KAT6B: variants seen among roughly 807,000 people sequenced by gnomAD.
KAT6B encodes the protein lysine acetyltransferase 6B.
A neutral mutation model predicts 187.5 loss-of-function variants in KAT6B; 10 were observed. That is an observed-to-expected ratio of 0.05 (90% CI 0.03 to 0.09). KAT6B has a LOEUF of 0.09. Ranked by LOEUF, KAT6B falls within the 10% of genes least tolerant of loss-of-function variation. The pLI is 1.00. For synonymous variants in KAT6B, 861 were observed against 926.8 expected (o/e 0.93, Z 1.29); for missense variants, 1,952 against 2,558.9 (o/e 0.76, Z 5.12).
chr10:74,941,239 TC>T (rs1466409926), intron 3 of KAT6B, among the ~76,000 whole-genome samples: 6 of 152,176 alleles, frequency 3.9e-5, no homozygotes, highest in African/African-American at 1.2e-4. Context: ...ATCCTCTACA[TC>T]CAAGGAAAAG....
At chr10:74,903,266 C>T (rs185760817) in intron 3 of KAT6B, among the ~76,000 whole-genome samples, 1 of 152,114 alleles carries the variant, frequency 6.6e-6, no homozygotes, top group African/African-American at 2.4e-5. Context: ...ATATCTTCCC[C>T]TTTGAGTATA....
intron 3 of KAT6B, among the ~76,000 whole-genome samples, chr10:74,923,602 G>A (rs1235246184): frequency 6.6e-6 from 1 of 152,214 alleles, no homozygotes; most frequent in Non-Finnish European, 1.5e-5. Flanking sequence ...TTCCAGGCAT[G>A]GAGAAGGAGT....
intron 3 of KAT6B, among the ~76,000 whole-genome samples, chr10:74,875,032 A>T (rs1844308941): frequency 6.6e-6 from 1 of 152,090 alleles, no homozygotes; most frequent in Non-Finnish European, 1.5e-5. Flanking sequence ...CAGCCTTATC[A>T]CCCAAAGCCC....
At chr10:75,006,561 CA>C (rs1044751574) in intron 13 of KAT6B, among the ~76,000 whole-genome samples, 3 of 152,116 alleles carry the variant, frequency 2.0e-5, no homozygotes, top group Admixed American at 6.5e-5. Context: ...GAGATCCTCC[CA>C]CCTCAGCCTC....
chr10:74,874,982 C>T (rs1787235870), intron 3 of KAT6B, among the ~76,000 whole-genome samples: 1 of 152,098 alleles, frequency 6.6e-6, no homozygotes, highest in Non-Finnish European at 1.5e-5. Flanking sequence ...ACCTCCCCCA[C>T]CAGAATGGTT....
At chr10:74,972,462 A>T in intron 6 of KAT6B, 45 bp from the exon 7 acceptor site, 1 of 1,374,394 alleles carries the variant, frequency 7.3e-7, no homozygotes, top group Non-Finnish European at 1.0e-6. Context: ...ATCTTCTCTT[A>T]AAATGAAACA....
At chr10:74,969,348 A>G (rs772979038) in intron 4 of KAT6B, among the ~76,000 whole-genome samples, 63 of 152,234 alleles carry the variant, frequency 4.1e-4, no homozygotes, top group Non-Finnish European at 7.6e-4. Context: ...CGGCAAGTAC[A>G]GGTGCAGGAG....
chr10:74,869,429 C>T (rs1404254713), intron 3 of KAT6B, among the ~76,000 whole-genome samples: 2 of 152,060 alleles, frequency 1.3e-5, no homozygotes, highest in Non-Finnish European at 2.9e-5. Flanking sequence ...TCCCTTGTAG[C>T]TGGGATTGGC....
At chr10:75,020,915 CT>C (rs1845355639) in intron 14 of KAT6B, 102 bp downstream of exon 14, 2 of 1,062,102 alleles carry the variant, frequency 1.9e-6, no homozygotes, top group Admixed American at 3.9e-5. Context: ...CTGAGGTTCC[CT>C]AACAGTATTA....
At chr10:74,929,782 A>T (rs1848742444) in intron 3 of KAT6B, among the ~76,000 whole-genome samples, 1 of 152,344 alleles carries the variant, frequency 6.6e-6, no homozygotes, top group African/African-American at 2.4e-5. Context: ...AAGCCATTCA[A>T]GGAAAGTGAG....
intron 3 of KAT6B, among the ~76,000 whole-genome samples, chr10:74,844,398 C>G (rs902625642): frequency 6.6e-6 from 1 of 152,190 alleles, no homozygotes; most frequent in Non-Finnish European, 1.5e-5. Flanking sequence ...CAGGTTTCAC[C>G]ATGTTGGCCG....
At position 75,020,604 on chromosome 10, in the gene KAT6B, A is replaced by G; in HGVS notation, c.2652A>G (p.Glu884=). The G allele has an allele frequency of 1.2e-6, 2 of 1,614,166 alleles. No individual in the cohort carries two copies. The highest frequency in any genetic ancestry group is 1.7e-6 in the Non-Finnish European group (2 of 1,179,968). ...TAGGCTATTTGCTTTCTAGAAGAGAAGGCCAAGCAGGGTCTCCTGAAAAGC... is the reference window on the plus strand; with the variant it reads ...TAGGCTATTTGCTTTCTAGAAGAGAGGGCCAAGCAGGGTCTCCTGAAAAGC... The part of the protein sequence containing the change: ...IDFSYLLSRR[E]GQAGSPEKPL... Residue 884 remains glutamate, a synonymous_variant, in exon 14 of 18, where the codon GAA becomes GAG. Transcript: ENST00000287239.
rs141950448 is a variant in KAT6B at position 74,903,138 on chromosome 10, C to G, written c.622-56832C>G. 1.2e-4 allele frequency among the ~76,000 whole-genome samples: 18 copies of G among 152,314 alleles called. No homozygotes were observed. The East Asian group carries it at 3.5e-3, about 29-fold the overall frequency. ...TGAAGGGTCTCCTGTAGGAAGCTGA[C>G]TGGCTCTTCTCTTTTAGGAGCCCTC... On this transcript the variant is annotated intron_variant, in intron 3 of 17. Coordinates refer to ENST00000287239, the MANE Select transcript of KAT6B (RefSeq NM_012330.4).
chr10:74,935,417 A>G lies in KAT6B; in HGVS notation c.622-24553A>G, dbSNP rs954475003. On this transcript the variant is annotated intron_variant, in intron 3 of 17. Transcript: ENST00000287239. The stretch of plus-strand genomic sequence containing the variant: ...TTTTTTTTTGAGACAGAGTCTCGCT[A>G]TGATGCCCAGACCAGAGTGCAATGG... Among the ~76,000 whole-genome samples, 28 of 151,196 alleles carry G rather than the reference A, an allele frequency of 1.9e-4. 1 individual carries two copies. Among genetic ancestry groups the G allele is most frequent in the Admixed American group, 1.3e-4 (2 of 15,150 alleles).
intron 3 of KAT6B, among the ~76,000 whole-genome samples, chr10:74,847,613 G>A (rs1252543923): frequency 1.3e-5 from 2 of 151,738 alleles, no homozygotes; most frequent in East Asian, 1.9e-4. Flanking sequence ...GCAGTGAGCC[G>A]AGATTGCGCC....
chr10:74,976,464 T>C (rs56159945), intron 8 of KAT6B, 134 bp downstream of exon 8: 75 of 794,386 alleles, frequency 9.4e-5, no homozygotes, highest in Non-Finnish European at 1.5e-4. Flanking sequence ...TTCACTTTCA[T>C]ACAGAAGCAG....
intron 3 of KAT6B, among the ~76,000 whole-genome samples, chr10:74,891,206 C>CT (rs1564545688): frequency 6.6e-6 from 1 of 152,230 alleles, no homozygotes; most frequent in Admixed American, 6.5e-5. Context: ...ACCTGGCCAC[C>CT]TTTCCATTGC....
intron 13 of KAT6B, among the ~76,000 whole-genome samples, chr10:75,000,630 C>T (rs1400145124): frequency 6.6e-6 from 1 of 152,076 alleles, no homozygotes; most frequent in Non-Finnish European, 1.5e-5. Flanking sequence ...GCAAGTTCGT[C>T]AGTTAAGTTA....
chr10:74,854,726 T>C (rs1564523249), intron 3 of KAT6B, among the ~76,000 whole-genome samples: 1 of 152,220 alleles, frequency 6.6e-6, no homozygotes. Flanking sequence ...TGCCTCACTT[T>C]TGATCTGTGA....
Sources: gnomAD v4.1 joint callset for allele counts (sites outside exome capture counted in the v4.1 genomes callset) on GRCh38, gnomAD v4.1.1 for gene constraint, MANE v1.5 for transcripts, NCBI Gene and HGNC (gene_info 2026-07-23, HGNC 2026-07-21) for gene names.